The following ATP6V1G3 variants were observed in gnomAD, a reference collection of about 807,000 sequenced individuals.
ATP6V1G3 encodes ATPase H+ transporting V1 subunit G3, also known as V-type proton ATPase subunit G 3.
A neutral mutation model predicts 9.3 loss-of-function variants in ATP6V1G3; 9 were observed. The observed-to-expected ratio is 0.97, with a 90% CI of 0.59 to 1.69. ATP6V1G3 has a LOEUF of 1.69. Ranked by LOEUF, ATP6V1G3 falls within the 40% of genes most tolerant of loss-of-function variation. The pLI is 0.00. For missense variants in ATP6V1G3, 133 were observed against 139.0 expected, an observed-to-expected ratio of 0.96 and a Z score of 0.22; for synonymous variants, 43 against 43.8, an observed-to-expected ratio of 0.98 and a Z score of 0.07.
At chr1:198,537,304 A>C (rs16843263) in intron 1 of ATP6V1G3, among the ~76,000 whole-genome samples, 14,978 of 152,218 alleles carry the variant, frequency 0.098, 1,039 homozygotes, top group African/African-American at 0.19. Context: ...GAATATATTA[A>C]TATTTTTTCA....
chr1:198,525,586 T>G (rs1307168108), intron 2 of ATP6V1G3, among the ~76,000 whole-genome samples: 1 of 152,166 alleles, frequency 6.6e-6, no homozygotes, highest in East Asian at 1.9e-4. Context: ...AGAAGCCACA[T>G]CAAAAGTGTA....
chr1:198,540,593 C>T lies in ATP6V1G3; in HGVS notation c.58G>A (p.Asp20Asn). Residue 20 changes from aspartate (D) to asparagine (N), a missense_variant, in exon 1 of 3, where the codon GAC (aspartate) becomes AAC (asparagine). Transcript: ENST00000367382. ...CTCTTCTTGGCTTCCTCTAGCTTGT[C>T]CTTGGCCCGTTTTTCTGCCTGAAGA... is the stretch of plus-strand genomic sequence containing the variant. ...QLLQAEKRAKDKLEEAKKRKG... is the reference protein window; with the variant it reads ...QLLQAEKRAKNKLEEAKKRKG... 6.2e-7 allele frequency: 1 copy of T among 1,614,084 alleles called. No homozygotes were observed. Among genetic ancestry groups the T allele is most frequent in the Non-Finnish European group, 8.5e-7 (1 of 1,179,956 alleles).
At chr1:198,530,493 T>A (rs1311819121) in intron 1 of ATP6V1G3, among the ~76,000 whole-genome samples, 2 of 152,208 alleles carry the variant, frequency 1.3e-5, no homozygotes, top group Non-Finnish European at 2.9e-5. Context: ...TCTCTTTTAA[T>A]ATCTACCACC....
intron 2 of ATP6V1G3, among the ~76,000 whole-genome samples, chr1:198,526,119 T>C (rs992817875): frequency 6.6e-6 from 1 of 152,192 alleles, no homozygotes; most frequent in African/African-American, 2.4e-5. Flanking sequence ...TGCCCAGTGA[T>C]TTGAGTTTCT....
At chr1:198,531,505 A>G (rs554136120) in intron 1 of ATP6V1G3, among the ~76,000 whole-genome samples, 2 of 152,318 alleles carry the variant, frequency 1.3e-5, no homozygotes, top group South Asian at 2.1e-4. Context: ...AAGGATTAAT[A>G]AAATCAATTT....
At chr1:198,536,048 AT>A (rs1660098854) in intron 1 of ATP6V1G3, among the ~76,000 whole-genome samples, 1 of 151,826 alleles carries the variant, frequency 6.6e-6, no homozygotes, top group African/African-American at 2.4e-5. Context: ...GCAATTTGTA[AT>A]TTTTAGTTAA....
chr1:198,540,344 A>G (rs1317402494), intron 1 of ATP6V1G3, among the ~76,000 whole-genome samples: 1 of 152,228 alleles, frequency 6.6e-6, no homozygotes, highest in East Asian at 1.9e-4. Flanking sequence ...CTTAATGTCC[A>G]TGAACACATG....
chr1:198,540,722 T>C (rs1660313738), upstream of ATP6V1G3: 12 of 1,396,298 alleles, frequency 8.6e-6, no homozygotes, highest in Non-Finnish European at 1.2e-5. Context: ...TTTTAGAAAT[T>C]AACATATAAC....
chr1:198,529,237 A>G (rs1487269921), intron 1 of ATP6V1G3, 56 bp from the exon 2 acceptor site: 3 of 390,664 alleles, frequency 7.7e-6, no homozygotes, highest in African/African-American at 2.2e-5. Context: ...TCAATATATA[A>G]ATATTTATTA....
At chr1:198,524,654 C>A (rs189217711) in intron 2 of ATP6V1G3, among the ~76,000 whole-genome samples, 1 of 152,058 alleles carries the variant, frequency 6.6e-6, no homozygotes, top group East Asian at 1.9e-4. Flanking sequence ...ATAATTTCAC[C>A]AGAGGAGTTA....
intron 1 of ATP6V1G3, among the ~76,000 whole-genome samples, chr1:198,539,815 T>C (rs959169144): frequency 2.6e-5 from 4 of 152,232 alleles, no homozygotes; most frequent in Admixed American, 2.0e-4. Context: ...TCTGCATACA[T>C]TGGGAATAAT....
chr1:198,530,153 A>G (rs577754511), intron 1 of ATP6V1G3, among the ~76,000 whole-genome samples: 1 of 152,252 alleles, frequency 6.6e-6, no homozygotes, highest in Non-Finnish European at 1.5e-5. Flanking sequence ...ATTGTCTTTC[A>G]ATTTCAGTAA....
intron 2 of ATP6V1G3, among the ~76,000 whole-genome samples, chr1:198,528,093 A>G (rs184756898): frequency 6.6e-6 from 1 of 152,242 alleles, no homozygotes; most frequent in Non-Finnish European, 1.5e-5. Flanking sequence ...GGTGAGAGAG[A>G]TAGCCAAAGG....
In ATP6V1G3 at chr1:198,526,452, G is replaced by A. The variant is rs192261101; in HGVS notation, c.183+2629C>T. Among the ~76,000 whole-genome samples, 6 of 152,274 alleles carry A rather than the reference G, an allele frequency of 3.9e-5. No homozygotes were observed. The South Asian group carries it at 1.0e-3, about 26-fold the overall frequency. On this transcript the variant is annotated intron_variant, in intron 2 of 2. Transcript: ENST00000367382. ...GTTGATGGAAACCTGTTACCTGAAT[G>A]TTTGGGAGAATGTATAAGTTAGTAG... is the stretch of plus-strand genomic sequence containing the variant.
chr1:198,536,747 A>G (rs769746086), intron 1 of ATP6V1G3: 2 of 1,567,150 alleles, frequency 1.3e-6, no homozygotes, highest in African/African-American at 1.4e-5. Context: ...GTAAAAACAA[A>G]TGGAATGAGA....
chr1:198,529,067 A>G lies in ATP6V1G3; in HGVS notation c.183+14T>C, dbSNP rs750132359. On this transcript the variant is annotated intron_variant, in intron 2 of 2. Coordinates refer to ENST00000367382, the MANE Select transcript of ATP6V1G3 (RefSeq NM_001376861.1). ...CTATTCTGCATAAGAAACAGTGCTGACTTTCTTACTCACCTTAGATTGTTT... is the reference window on the plus strand; with the variant it reads ...CTATTCTGCATAAGAAACAGTGCTGGCTTTCTTACTCACCTTAGATTGTTT... The G allele has an allele frequency of 3.2e-5, 42 of 1,300,842 alleles. No individual in the cohort carries two copies. Among genetic ancestry groups the G allele is most frequent in the Non-Finnish European group, 4.0e-5 (37 of 919,186 alleles). 80.6% of individuals were successfully genotyped at this position (1,300,842 alleles called of 1,614,324 possible).
chr1:198,532,872 T>C lies in ATP6V1G3; in HGVS notation c.83-3691A>G, dbSNP rs571605176. Among the ~76,000 whole-genome samples the C allele has an allele frequency of 2.6e-4, 39 of 152,150 alleles. 2 individuals carry two copies. In the South Asian group the frequency reaches 6.0e-3, roughly 24 times the overall value. On this transcript the variant is annotated intron_variant, in intron 1 of 2. Transcript: ENST00000367382. ...AGAACAGGATATTCAATCATGAATGTTAGGAGATGGTATTAGAAAGATAGT... is the reference window on the plus strand; with the variant it reads ...AGAACAGGATATTCAATCATGAATGCTAGGAGATGGTATTAGAAAGATAGT...
intron 1 of ATP6V1G3, among the ~76,000 whole-genome samples, chr1:198,536,919 T>C (rs1250335812): frequency 6.6e-6 from 1 of 152,196 alleles, no homozygotes; most frequent in Non-Finnish European, 1.5e-5. Flanking sequence ...TGTGTGTGTG[T>C]GTGCGTGTAT....
At chr1:198,526,339 G>A (rs1398352718) in intron 2 of ATP6V1G3, among the ~76,000 whole-genome samples, 1 of 152,128 alleles carries the variant, frequency 6.6e-6, no homozygotes, top group Non-Finnish European at 1.5e-5. Context: ...CTGGCACTTA[G>A]TAGATGCTCA....
Sources: gnomAD v4.1 joint callset for allele counts (sites outside exome capture counted in the v4.1 genomes callset) on GRCh38, gnomAD v4.1.1 for gene constraint, MANE v1.5 for transcripts, NCBI Gene and HGNC (gene_info 2026-07-23, HGNC 2026-07-21) for gene names.